The following HIVEP3 variants were observed in gnomAD, a reference collection of about 807,000 sequenced individuals.
The protein encoded by HIVEP3 is transcription factor HIVEP3.
HIVEP3 carries 49 observed loss-of-function variants against 152.8 expected under a neutral mutation model. The observed-to-expected ratio is 0.32, with a 90% CI of 0.26 to 0.41. The LOEUF (loss-of-function observed/expected upper bound fraction) is 0.41, where lower values mean the gene tolerates loss of function less well. HIVEP3 is among the 10% of genes least tolerant of loss of function. The pLI is 1.00. For missense variants in HIVEP3, 2,790 were observed against 3,103.3 expected (o/e 0.90, Z 2.40); for synonymous variants, 1,269 against 1,289.0 (o/e 0.98, Z 0.33).
intron 1 of HIVEP3, among the ~76,000 whole-genome samples, chr1:41,741,403 G>A (rs1384249996): frequency 2.0e-5 from 3 of 152,186 alleles, no homozygotes; most frequent in African/African-American, 7.2e-5. Context: ...GGTGGGAGTG[G>A]GAGGTGCTCT....
intron 5 of HIVEP3, among the ~76,000 whole-genome samples, chr1:41,526,616 C>A: frequency 3.2e-5 from 1 of 31,638 alleles, no homozygotes; most frequent in African/African-American, 1.1e-4. Context: ...CTCCCACCCC[C>A]ACCTTCACCC....
At chr1:41,976,119 C>T (rs1645257699) in intron 1 of HIVEP3, among the ~76,000 whole-genome samples, 1 of 151,944 alleles carries the variant, frequency 6.6e-6, no homozygotes. Flanking sequence ...GAGCTATGAC[C>T]CACTGAAGTC....
At chr1:41,617,134 A>G (rs1455742385) in intron 3 of HIVEP3, among the ~76,000 whole-genome samples, 2 of 152,216 alleles carry the variant, frequency 1.3e-5, no homozygotes, top group Non-Finnish European at 2.9e-5. Context: ...ATGATGGACC[A>G]TGGTTTGGAT....
At chr1:41,734,551 T>C (rs190475657) in intron 1 of HIVEP3, among the ~76,000 whole-genome samples, 28 of 152,346 alleles carry the variant, frequency 1.8e-4, no homozygotes, top group African/African-American at 6.3e-4. Flanking sequence ...CAAGGAGCGA[T>C]GGGCCACTGG....
At chr1:41,642,675 G>A (rs968600971) in intron 2 of HIVEP3, among the ~76,000 whole-genome samples, 1 of 152,250 alleles carries the variant, frequency 6.6e-6, no homozygotes. Flanking sequence ...GTCACTCACA[G>A]AGCCTTGAAC....
At chr1:41,868,453 C>A (rs2124410058) in intron 1 of HIVEP3, among the ~76,000 whole-genome samples, 1 of 152,248 alleles carries the variant, frequency 6.6e-6, no homozygotes, top group Admixed American at 6.5e-5. Context: ...GTCCCCTCCT[C>A]CCCCGCCTTA....
chr1:41,753,377 T>A (rs552142347), intron 1 of HIVEP3, among the ~76,000 whole-genome samples: 10 of 152,158 alleles, frequency 6.6e-5, no homozygotes. Flanking sequence ...TTGGAAGCAA[T>A]GGGCCGGGCA....
intron 1 of HIVEP3, among the ~76,000 whole-genome samples, chr1:41,956,474 T>A (rs1645141125): frequency 6.6e-6 from 1 of 152,240 alleles, no homozygotes; most frequent in East Asian, 1.9e-4. Context: ...CACCTAGGAA[T>A]CTATTCCAAG....
At chr1:41,881,474 C>T (rs1047818673) in intron 1 of HIVEP3, among the ~76,000 whole-genome samples, 1 of 152,126 alleles carries the variant, frequency 6.6e-6, no homozygotes, top group African/African-American at 2.4e-5. Flanking sequence ...ATAGAAAGTT[C>T]TAAAAACGAT....
At chr1:41,889,099 C>A (rs1283558216) in intron 1 of HIVEP3, among the ~76,000 whole-genome samples, 2 of 149,214 alleles carry the variant, frequency 1.3e-5, no homozygotes, top group Non-Finnish European at 3.0e-5. Context: ...ACATACCTCA[C>A]ACACCAAACA....
At chr1:41,555,157 G>C (rs551364713) in intron 5 of HIVEP3, among the ~76,000 whole-genome samples, 12 of 152,316 alleles carry the variant, frequency 7.9e-5, no homozygotes, top group African/African-American at 2.9e-4. Flanking sequence ...CACCCAGTTT[G>C]AGCTTCCCCA....
chr1:41,929,724 T>TATATATATATATATATATATA (rs1644986317), intron 1 of HIVEP3, among the ~76,000 whole-genome samples: 2 of 30,546 alleles, frequency 6.5e-5, no homozygotes, highest in Non-Finnish European at 1.3e-4. Flanking sequence ...GTATATGTGT[T>TATATATATATATATATATATA]TTTATATATA....
At chr1:41,988,447 G>A (rs1264849732) in intron 1 of HIVEP3, among the ~76,000 whole-genome samples, 4 of 152,130 alleles carry the variant, frequency 2.6e-5, no homozygotes, top group African/African-American at 9.7e-5. Context: ...ACATACATAT[G>A]GCCACAGGTT....
chr1:41,775,633 G>A lies in HIVEP3; in HGVS notation c.-800-74638C>T, dbSNP rs113932290. On this transcript the variant is annotated intron_variant, in intron 1 of 8. Coordinates refer to ENST00000372583, the MANE Select transcript of HIVEP3 (RefSeq NM_024503.5). ...AGCCTCCCAAGTAGCTGGGACTACAGGTGCTCACCACCATGCCTGGCTAAT... is the reference window on the plus strand; with the variant it reads ...AGCCTCCCAAGTAGCTGGGACTACAAGTGCTCACCACCATGCCTGGCTAAT... 3.3e-5 allele frequency among the ~76,000 whole-genome samples: 5 copies of A among 152,244 alleles called. 1 individual carries two copies. The highest frequency in any genetic ancestry group is 1.2e-4 in the African/African-American group (5 of 41,550).
intron 1 of HIVEP3, among the ~76,000 whole-genome samples, chr1:41,932,580 T>C (rs143275431): frequency 0.014 from 2,087 of 152,032 alleles, 32 homozygotes; most frequent in Non-Finnish European, 0.017. Flanking sequence ...TTGGTCAGTC[T>C]GCCTAGAAGT....
At chr1:42,001,928 C>A (rs567469982) in intron 1 of HIVEP3, among the ~76,000 whole-genome samples, 1 of 152,098 alleles carries the variant, frequency 6.6e-6, no homozygotes, top group Non-Finnish European at 1.5e-5. Flanking sequence ...AGGGGACACC[C>A]AAGCCCCCAT....
At chr1:41,544,831 TCACCACCACCA>T (rs1483052808) in intron 5 of HIVEP3, among the ~76,000 whole-genome samples, 64 of 10,140 alleles carry the variant, frequency 6.3e-3, no homozygotes, top group African/African-American at 0.02. Flanking sequence ...ACCACCACCA[TCACCACCACCA>T]CTACCACCAC....
intron 1 of HIVEP3, among the ~76,000 whole-genome samples, chr1:41,951,282 C>T (rs1281153938): frequency 1.3e-5 from 2 of 152,176 alleles, no homozygotes; most frequent in African/African-American, 2.4e-5. Flanking sequence ...GAGTTCATAA[C>T]ATAATGTTTA....
At chr1:41,739,122 C>T (rs562831881) in intron 1 of HIVEP3, among the ~76,000 whole-genome samples, 6 of 152,354 alleles carry the variant, frequency 3.9e-5, no homozygotes, top group South Asian at 4.1e-4. Context: ...GACTTGCTGC[C>T]GCAAAGTGTG....
Sources: gnomAD v4.1 joint callset for allele counts (sites outside exome capture counted in the v4.1 genomes callset) on GRCh38, gnomAD v4.1.1 for gene constraint, MANE v1.5 for transcripts, NCBI Gene and HGNC (gene_info 2026-07-23, HGNC 2026-07-21) for gene names.